Variants in LGR4 observed in about 807,000 individuals in gnomAD.
LGR4 encodes leucine rich repeat containing G protein-coupled receptor 4, also known as leucine-rich repeat-containing G protein-coupled receptor 4.
LGR4 carries 44 observed loss-of-function variants against 84.8 expected under a neutral mutation model. The observed-to-expected ratio is 0.52, with a 90% CI of 0.41 to 0.67. The LOEUF (loss-of-function observed/expected upper bound fraction) is 0.67. Among genes scored for constraint, LGR4 ranks in the 30% least tolerant of loss-of-function variants. The pLI is 0.00. For synonymous variants in LGR4, 429 were observed against 434.3 expected, an observed-to-expected ratio of 0.99 and a Z score of 0.15; for missense variants, 1,032 against 1,131.4, an observed-to-expected ratio of 0.91 and a Z score of 1.26.
At chr11:27,388,691 T>A (rs1180947134) in intron 4 of LGR4, among the ~76,000 whole-genome samples, 1 of 152,160 alleles carries the variant, frequency 6.6e-6, no homozygotes, top group East Asian at 1.9e-4. Context: ...TATTTAACTG[T>A]TGAAAGTCTT....
intron 1 of LGR4, among the ~76,000 whole-genome samples, chr11:27,418,892 T>A (rs2133406211): frequency 6.6e-6 from 1 of 150,410 alleles, no homozygotes; most frequent in African/African-American, 2.5e-5. Flanking sequence ...TAGAATGCAG[T>A]GGCACAATCA....
At chr11:27,449,007 G>A (rs1050065119) in intron 1 of LGR4, among the ~76,000 whole-genome samples, 1 of 152,128 alleles carries the variant, frequency 6.6e-6, no homozygotes, top group Non-Finnish European at 1.5e-5. Flanking sequence ...ATGCAAATGG[G>A]AGGTAAAACT....
chr11:27,378,915 T>C (rs1300158240), intron 10 of LGR4, 147 bp from the exon 11 acceptor site: 2 of 606,542 alleles, frequency 3.3e-6, no homozygotes, highest in East Asian at 5.7e-5. Flanking sequence ...AAGTTAGACA[T>C]GCAAGAAGGT....
intron 1 of LGR4, among the ~76,000 whole-genome samples, chr11:27,446,621 A>G (rs1304565609): frequency 6.6e-6 from 1 of 152,192 alleles, no homozygotes; most frequent in African/African-American, 2.4e-5. Context: ...GTGGAGGACA[A>G]TGTGGTGATT....
chr11:27,378,664 G>T lies in LGR4; in HGVS notation c.1043+33C>A, dbSNP rs571428225. The T allele has an allele frequency of 1.6e-5, 22 of 1,400,496 alleles. No homozygotes were observed. In the African/African-American group the frequency reaches 1.8e-4, roughly 12 times the overall value. The allele number at this position is 1,400,496 out of a possible 1,614,324, so 86.8% of individuals were successfully genotyped here. Reference sequence around the variant, plus strand: ...ACATGTGTGAATATATAAACAAAAGGTATGAGGGGAAGGGAAGAAGAATCC... The same window carrying T: ...ACATGTGTGAATATATAAACAAAAGTTATGAGGGGAAGGGAAGAAGAATCC... On this transcript the variant is annotated intron_variant, in intron 11 of 17. Transcript: ENST00000379214.
At chr11:27,386,975 C>T (rs1461796756) in intron 4 of LGR4, among the ~76,000 whole-genome samples, 1 of 152,140 alleles carries the variant, frequency 6.6e-6, no homozygotes, top group Non-Finnish European at 1.5e-5. Context: ...GCCTACAGAG[C>T]TGTTTAGGAG....
At chr11:27,380,245 A>G (rs368931011) in intron 10 of LGR4, 26 bp downstream of exon 10, 5 of 1,479,072 alleles carry the variant, frequency 3.4e-6, no homozygotes, top group East Asian at 4.5e-5. Flanking sequence ...TCTTTATACA[A>G]CCCCTCTTCA....
At chr11:27,410,267 A>G (rs1028501962) in intron 2 of LGR4, among the ~76,000 whole-genome samples, 5 of 152,154 alleles carry the variant, frequency 3.3e-5, no homozygotes, top group Non-Finnish European at 7.4e-5. Context: ...TTCAGAGTTT[A>G]TTGAAAGAAT....
In LGR4 at chr11:27,391,120, A is replaced by G; in HGVS notation, c.375T>C (p.Ile125=). 1 of 1,610,402 alleles carries G rather than the reference A, an allele frequency of 6.2e-7. No individual in the cohort carries two copies. The highest frequency in any genetic ancestry group is 8.5e-7 in the Non-Finnish European group (1 of 1,178,106). Residue 125 remains isoleucine (I), a synonymous_variant, in exon 4 of 18, where the codon ATT becomes ATC. Coordinates refer to ENST00000379214, the MANE Select transcript of LGR4 (RefSeq NM_018490.5). ...NQLKTVPSEA[I]RGLSALQSLR... ...AAGACTGCAAAGCACTCAGCCCTCG[A>G]ATGGCTTCACTGGGTACTGTTTTCA...
chr11:27,377,715 T>C (rs966437439), intron 11 of LGR4, among the ~76,000 whole-genome samples: 1 of 152,134 alleles, frequency 6.6e-6, no homozygotes, highest in Non-Finnish European at 1.5e-5. Context: ...AAAACAGTTA[T>C]ATTACATCAA....
At chr11:27,384,739 G>T (rs922046005) in intron 5 of LGR4, among the ~76,000 whole-genome samples, 3 of 152,178 alleles carry the variant, frequency 2.0e-5, no homozygotes, top group Admixed American at 1.3e-4. Context: ...AGAAAAATTT[G>T]ATGAGCTCTC....
At chr11:27,408,726 AC>A (rs1203973982) in intron 2 of LGR4, among the ~76,000 whole-genome samples, 1 of 152,104 alleles carries the variant, frequency 6.6e-6, no homozygotes, top group Non-Finnish European at 1.5e-5. Flanking sequence ...TCCAACTTCT[AC>A]CCCCAAGCAA....
In LGR4 at chr11:27,369,140, G is replaced by A. The variant is rs1370470333; in HGVS notation, c.1583C>T (p.Ala528Val). 3 of 1,577,138 alleles carry A rather than the reference G, an allele frequency of 1.9e-6. No individual in the cohort carries two copies. The highest frequency in any genetic ancestry group is 3.7e-5 in the Admixed American group (2 of 54,206). ...IIIHCTPSTG[A>V]FKPCEYLLGS... ...CAGTAAATATTCACAGGGCTTAAAA[G>A]CACCTAAAAAAAACACACACAGAGA... Residue 528 changes from alanine (A) to valine (V), a missense_variant, in exon 18 of 18, where the codon GCT becomes GTT. Coordinates refer to ENST00000379214, the MANE Select transcript of LGR4 (RefSeq NM_018490.5).
chr11:27,417,678 G>A (rs1310766237), intron 1 of LGR4, among the ~76,000 whole-genome samples: 1 of 152,016 alleles, frequency 6.6e-6, no homozygotes, highest in African/African-American at 2.4e-5. Context: ...GAAATACAGA[G>A]AAAACCATCC....
At chr11:27,385,946 A>C (rs1327677504) in intron 4 of LGR4, among the ~76,000 whole-genome samples, 2 of 152,210 alleles carry the variant, frequency 1.3e-5, no homozygotes, top group African/African-American at 4.8e-5. Flanking sequence ...GAAAATACTT[A>C]AAATTTTTGT....
At chr11:27,441,275 T>C (rs563844949) in intron 1 of LGR4, among the ~76,000 whole-genome samples, 12 of 151,720 alleles carry the variant, frequency 7.9e-5, no homozygotes, top group South Asian at 6.2e-4. Context: ...CCTTTTCTCC[T>C]GTCAAAGTTC....
chr11:27,368,366 G>C lies in LGR4; in HGVS notation c.2357C>G (p.Thr786Ser). The stretch of plus-strand genomic sequence containing the variant: ...AGCAGGCAATGGAAAAAATATCAGA[G>C]TAACAGACTTCATTATTTCGGGGCT... ...SISPEIMKSVTLIFFPLPACL... is the reference protein window; with the variant it reads ...SISPEIMKSVSLIFFPLPACL... Residue 786 changes from threonine to serine, a missense_variant, in exon 18 of 18, where the codon ACT (threonine) becomes AGT (serine). Physicochemically the swap from Thr to Ser is moderately conservative, Grantham distance 58. Coordinates refer to ENST00000379214, the MANE Select transcript of LGR4 (RefSeq NM_018490.5). 6.2e-7 allele frequency: 1 copy of C among 1,613,956 alleles called. No homozygotes were observed. Among genetic ancestry groups the C allele is most frequent in the Non-Finnish European group, 8.5e-7 (1 of 1,179,920 alleles).
At chr11:27,464,830 T>A (rs1864748431) in intron 1 of LGR4, among the ~76,000 whole-genome samples, 1 of 152,152 alleles carries the variant, frequency 6.6e-6, no homozygotes, top group Admixed American at 6.5e-5. Context: ...AAAAGTACTT[T>A]GCTGCCAGGG....
At chr11:27,422,435 T>C (rs139532917) in intron 1 of LGR4, among the ~76,000 whole-genome samples, 3 of 152,296 alleles carry the variant, frequency 2.0e-5, no homozygotes, top group African/African-American at 7.2e-5. Flanking sequence ...ATCATTTCAA[T>C]GGGTCATAGC....
Sources: allele counts gnomAD v4.1 joint callset (sites outside exome capture counted in the v4.1 genomes callset), GRCh38; gene constraint gnomAD v4.1.1; transcripts MANE v1.5; gene names NCBI Gene and HGNC (gene_info 2026-07-23, HGNC 2026-07-21).